IFRD1: variants seen among roughly 807,000 people sequenced by gnomAD.
IFRD1 encodes interferon-related developmental regulator 1.
IFRD1 carries 35 observed loss-of-function variants against 52.9 expected under a neutral mutation model. The ratio of observed to expected loss-of-function variants is 0.66; its 90% CI spans 0.51 to 0.88. The LOEUF is 0.88. IFRD1 is among the 40% of genes least tolerant of loss of function. The probability of loss-of-function intolerance (pLI) is 0.00; values close to 1 mark genes in which losing one functional copy is unlikely to be tolerated. For missense variants in IFRD1, 517 were observed against 550.8 expected, an observed-to-expected ratio of 0.94 and a Z score of 0.61; for synonymous variants, 184 against 188.4, an observed-to-expected ratio of 0.98 and a Z score of 0.19.
At chr7:112,463,435 G>A (rs1237580990) in intron 8 of IFRD1, among the ~76,000 whole-genome samples, 1 of 152,056 alleles carries the variant, frequency 6.6e-6, no homozygotes, top group African/African-American at 2.4e-5. Context: ...TGTATTGAAG[G>A]AAGTTTACAG....
intron 9 of IFRD1, 109 bp downstream of exon 9, chr7:112,468,224 T>C (rs1408624622): frequency 2.1e-5 from 27 of 1,282,270 alleles, no homozygotes; most frequent in Non-Finnish European, 3.0e-5. Context: ...TTGAAAATAA[T>C]TTCTCATTTT....
chr7:112,472,975 C>T (rs1795793261), intron 11 of IFRD1, 114 bp downstream of exon 11: 1 of 740,360 alleles, frequency 1.4e-6, no homozygotes, highest in Non-Finnish European at 2.4e-6. Flanking sequence ...TTTCATGATG[C>T]TTCACATAGA....
chr7:112,447,764 G>A (rs1456237358), upstream of IFRD1, among the ~76,000 whole-genome samples: 1 of 152,210 alleles, frequency 6.6e-6, no homozygotes, highest in African/African-American at 2.4e-5. Flanking sequence ...ACTGTCCCAT[G>A]AGGAGGTGGG....
At position 112,475,588 on chromosome 7, in the gene IFRD1, G is replaced by C; in HGVS notation, c.*69G>C. The C allele has an allele frequency of 1.1e-6, 1 of 944,240 alleles. No individual in the cohort carries two copies. The highest frequency in any genetic ancestry group is 1.7e-6 in the Non-Finnish European group (1 of 604,428). 58.5% of individuals were successfully genotyped at this position (944,240 alleles called of 1,614,324 possible). ...TCTATTTCAATGTATTTAAACTCTA[G>C]ACACAGTTTTTATCCTGGATTAACT... On this transcript the variant is annotated 3_prime_UTR_variant, in exon 12 of 12. Coordinates refer to ENST00000403825, the MANE Select transcript of IFRD1 (RefSeq NM_001550.4).
upstream of IFRD1, among the ~76,000 whole-genome samples, chr7:112,449,288 G>GA (rs1348236092): frequency 6.6e-6 from 1 of 151,916 alleles, no homozygotes; most frequent in African/African-American, 2.4e-5. Context: ...GCATCAAAGG[G>GA]AAAAAAGACT....
intron 1 of IFRD1, among the ~76,000 whole-genome samples, chr7:112,429,740 T>A (rs1278771510): frequency 6.6e-6 from 1 of 152,226 alleles, no homozygotes; most frequent in Non-Finnish European, 1.5e-5. Context: ...CATATTCTTT[T>A]TTCTTTCGGG....
intron 1 of IFRD1, among the ~76,000 whole-genome samples, chr7:112,439,968 C>A (rs1483058668): frequency 6.6e-6 from 1 of 151,758 alleles, no homozygotes; most frequent in Non-Finnish European, 1.5e-5. Flanking sequence ...ATGATGTCTG[C>A]AACAAATTAA....
At chr7:112,453,707 C>G (rs1795220516) in intron 1 of IFRD1, among the ~76,000 whole-genome samples, 1 of 152,138 alleles carries the variant, frequency 6.6e-6, no homozygotes, top group African/African-American at 2.4e-5. Context: ...TTATTCCTGT[C>G]CTAAGCACTC....
intron 1 of IFRD1, among the ~76,000 whole-genome samples, chr7:112,452,852 T>C (rs1795198856): frequency 1.3e-5 from 2 of 152,250 alleles, no homozygotes; most frequent in Admixed American, 1.3e-4. Flanking sequence ...CTTTGATTAA[T>C]TTATAACACA....
At chr7:112,451,959 G>A in intron 1 of IFRD1, 2 of 972,016 alleles carry the variant, frequency 2.1e-6, no homozygotes, top group South Asian at 9.5e-5. Flanking sequence ...ATTTAAAAAA[G>A]CTCAAAAACT....
upstream of IFRD1, among the ~76,000 whole-genome samples, chr7:112,447,814 T>C (rs1000771824): frequency 1.3e-5 from 2 of 152,306 alleles, no homozygotes; most frequent in Non-Finnish European, 2.9e-5. Flanking sequence ...GGAGCTAAAC[T>C]GCAGGCATAA....
rs148656550 is a variant in IFRD1 at position 112,457,272 on chromosome 7, C to T, written c.409+234C>T. On this transcript the variant is annotated intron_variant, in intron 4 of 11. Coordinates refer to ENST00000403825, the MANE Select transcript of IFRD1 (RefSeq NM_001550.4). The stretch of plus-strand genomic sequence containing the variant: ...ACTAAGAAGGATTAGGGTAGATTGT[C>T]ATCAACCTTTTTTGTATCAGAAGAG... The T allele has an allele frequency of 5.0e-4, 295 of 589,474 alleles. 3 individuals carry two copies. In the East Asian group the frequency reaches 8.2e-3, roughly 16 times the overall value. 36.5% of individuals were successfully genotyped at this position (589,474 alleles called of 1,614,324 possible). A position where few individuals can be genotyped will look rare whatever the true frequency, so the allele number is the denominator to read the frequency against.
chr7:112,459,133 A>G (rs1041199564), intron 5 of IFRD1, 115 bp downstream of exon 5: 2 of 905,930 alleles, frequency 2.2e-6, no homozygotes, highest in African/African-American at 3.3e-5. Context: ...AGGATCTTGT[A>G]AGTCCAGGAG....
intron 1 of IFRD1, among the ~76,000 whole-genome samples, chr7:112,442,716 A>G (rs907311051): frequency 2.0e-5 from 3 of 152,216 alleles, no homozygotes; most frequent in Non-Finnish European, 4.4e-5. Context: ...TTGCTGGACT[A>G]GGGACTTTAT....
At chr7:112,451,974 A>G in intron 1 of IFRD1, 2 of 980,498 alleles carry the variant, frequency 2.0e-6, no homozygotes, top group Non-Finnish European at 2.4e-6. Context: ...AAAACTCGTG[A>G]TCATGTATTA....
At chr7:112,464,454 CCTTCGGATCT>C (rs1394875472) in intron 8 of IFRD1, among the ~76,000 whole-genome samples, 1 of 152,098 alleles carries the variant, frequency 6.6e-6, no homozygotes, top group Non-Finnish European at 1.5e-5. Flanking sequence ...GTTCTGCCTA[CCTTCGGATCT>C]CTTTCTCTCT....
chr7:112,476,637 G>C lies in IFRD1; in HGVS notation c.*1118G>C, dbSNP rs183963470. 1.3e-5 allele frequency: 2 copies of C among 152,264 alleles called. No homozygotes were observed. The highest frequency in any genetic ancestry group is 2.9e-5 in the Non-Finnish European group (2 of 68,020). 9.4% of individuals were successfully genotyped at this position (152,264 alleles called of 1,614,324 possible). ...CCACTCCAGCCTGGGTGACGAGTGA[G>C]ACCTTGTCTCAAAAGCAAAACAAAA... is the stretch of plus-strand genomic sequence containing the variant. On this transcript the variant is annotated 3_prime_UTR_variant, in exon 12 of 12. Transcript: ENST00000403825.
chr7:112,428,729 A>T (rs1209004091), intron 1 of IFRD1, among the ~76,000 whole-genome samples: 1 of 152,098 alleles, frequency 6.6e-6, no homozygotes, highest in Non-Finnish European at 1.5e-5. Flanking sequence ...GGCCCTAGCA[A>T]ATTTTGTATA....
chr7:112,463,891 CACA>C (rs1289620231), intron 8 of IFRD1, among the ~76,000 whole-genome samples: 1,096 of 12,992 alleles, frequency 0.084, 17 homozygotes, highest in African/African-American at 0.34. Context: ...CACACACACA[CACA>C]CCCCACGTAT....
Sources: gnomAD v4.1 joint callset for allele counts (sites outside exome capture counted in the v4.1 genomes callset) on GRCh38, gnomAD v4.1.1 for gene constraint, MANE v1.5 for transcripts, NCBI Gene and HGNC (gene_info 2026-07-23, HGNC 2026-07-21) for gene names.